PSIP1: variants seen among roughly 807,000 people sequenced by gnomAD.
PSIP1 encodes the protein PC4 and SRSF1 interacting protein 1.
In PSIP1, 19 loss-of-function variants were observed where a neutral mutation model predicts 74.7. The ratio of observed to expected loss-of-function variants is 0.25; its 90% CI spans 0.18 to 0.37. The LOEUF (loss-of-function observed/expected upper bound fraction) is 0.37. Ranked by LOEUF, PSIP1 falls within the 10% of genes least tolerant of loss-of-function variation. The probability of loss-of-function intolerance (pLI) is 1.00; values close to 1 mark genes in which losing one functional copy is unlikely to be tolerated. For missense variants in PSIP1, 601 were observed against 614.3 expected (o/e 0.98, Z 0.23); for synonymous variants, 222 against 195.3 (o/e 1.14, Z -1.14).
At chr9:15,481,232 G>A (rs1001573679) in intron 6 of PSIP1, among the ~76,000 whole-genome samples, 5 of 152,108 alleles carry the variant, frequency 3.3e-5, no homozygotes, top group South Asian at 2.1e-4. Context: ...AAGCTCCCCA[G>A]GTAACAAAGC....
intron 9 of PSIP1, among the ~76,000 whole-genome samples, chr9:15,473,321 ATC>A (rs1335624709): frequency 1.3e-5 from 2 of 152,198 alleles, no homozygotes; most frequent in African/African-American, 4.8e-5. Context: ...AATAACAAAA[ATC>A]TCTATATAAA....
intron 7 of PSIP1, 63 bp downstream of exon 7, chr9:15,479,528 A>G: frequency 2.3e-6 from 3 of 1,315,894 alleles, no homozygotes; most frequent in Non-Finnish European, 3.2e-6. Context: ...AGGCAGCAAC[A>G]CTTTAAATGG....
intron 3 of PSIP1, among the ~76,000 whole-genome samples, chr9:15,494,986 C>T (rs1022013188): frequency 1.3e-5 from 2 of 152,074 alleles, no homozygotes. Context: ...AATTCTCCCT[C>T]CTGAAAAACC....
At chr9:15,482,505 A>T (rs1411909752) in intron 6 of PSIP1, among the ~76,000 whole-genome samples, 1 of 152,186 alleles carries the variant, frequency 6.6e-6, no homozygotes, top group Non-Finnish European at 1.5e-5. Context: ...TTAATTTCCT[A>T]GTGTCCCAAG....
rs542935438 is a variant in PSIP1 at position 15,470,148 on chromosome 9, G to A, written c.978-155C>T. On this transcript the variant is annotated intron_variant, in intron 10 of 15. Coordinates refer to ENST00000380733, the MANE Select transcript of PSIP1 (RefSeq NM_033222.5). ...GTAGCTCTTAGAATGGTGCAGTTCC[G>A]TAGCATAAATATAAGCAAAACTCTA... Among the ~76,000 whole-genome samples, 198 of 152,196 alleles carry A rather than the reference G, an allele frequency of 1.3e-3. 1 individual carries two copies. Among genetic ancestry groups the A allele is most frequent in the African/African-American group, 4.6e-3 (193 of 41,532 alleles).
intron 3 of PSIP1, among the ~76,000 whole-genome samples, chr9:15,501,424 G>A (rs2175257): frequency 0.2 from 30,873 of 151,744 alleles, 4,774 homozygotes; most frequent in African/African-American, 0.44. Flanking sequence ...CACTGTTGCA[G>A]TGGGGAAAAT....
intron 6 of PSIP1, among the ~76,000 whole-genome samples, chr9:15,480,370 T>G (rs948442336): frequency 6.6e-6 from 1 of 152,188 alleles, no homozygotes; most frequent in Non-Finnish European, 1.5e-5. Context: ...CCCAACTATT[T>G]AGAATTCAGC....
At chr9:15,497,026 G>A (rs1170084098) in intron 3 of PSIP1, among the ~76,000 whole-genome samples, 1 of 152,116 alleles carries the variant, frequency 6.6e-6, no homozygotes, top group South Asian at 2.1e-4. Flanking sequence ...TTCTCAAAAC[G>A]TTAAACGTGA....
chr9:15,474,815 T>G (rs1331414618), intron 8 of PSIP1, among the ~76,000 whole-genome samples: 3 of 152,180 alleles, frequency 2.0e-5, no homozygotes, highest in African/African-American at 7.2e-5. Context: ...ACGTAATTAC[T>G]TTTATGGTTG....
intron 15 of PSIP1, among the ~76,000 whole-genome samples, chr9:15,466,373 T>C (rs1004680905): frequency 1.3e-5 from 2 of 150,916 alleles, no homozygotes; most frequent in African/African-American, 4.8e-5. Context: ...AGTGAAACTC[T>C]GTCTCAAAGA....
intron 3 of PSIP1, among the ~76,000 whole-genome samples, chr9:15,503,016 T>C (rs1011464964): frequency 2.0e-5 from 3 of 152,212 alleles, no homozygotes; most frequent in Non-Finnish European, 2.9e-5. Context: ...AATTTCCAAA[T>C]ATACCTTTCT....
chr9:15,464,276 G>C lies in PSIP1; in HGVS notation c.*1244C>G, dbSNP rs527597148. The C allele has an allele frequency of 5.1e-5, 10 of 194,656 alleles. No individual in the cohort carries two copies. Among genetic ancestry groups the C allele is most frequent in the African/African-American group, 2.1e-4 (9 of 43,362 alleles). The allele number at this position is 194,656 out of a possible 1,614,324, so 12.1% of individuals were successfully genotyped here. The stretch of plus-strand genomic sequence containing the variant: ...TCTGTAGATGAAAACAGTTATCTCA[G>C]AGGGTCAACCACACAATGTCATACA... On this transcript the variant is annotated 3_prime_UTR_variant, in exon 16 of 16. Transcript: ENST00000380733.
At position 15,465,561 on chromosome 9, in the gene PSIP1, C is replaced by A. The variant is rs779218966; in HGVS notation, c.1552G>T (p.Glu518Ter). 6.3e-7 allele frequency: 1 copy of A among 1,586,498 alleles called. No individual in the cohort carries two copies. Among genetic ancestry groups the A allele is most frequent in the Admixed American group, 1.7e-5 (1 of 58,536 alleles). ...GAATCCTTCAGAGATATTTCAGTCT[C>A]TCTCTCTTCACTGGATGGCCTGAAG... is the stretch of plus-strand genomic sequence containing the variant. ...TKKKPSSEER[E>*]TEISLKDSTL... Residue 518 changes from glutamate to a stop codon, truncating the protein, a stop_gained, in exon 16 of 16, where the codon GAG (glutamate) becomes TAG (stop). Coordinates refer to ENST00000380733, the MANE Select transcript of PSIP1 (RefSeq NM_033222.5). LOFTEE classifies it high-confidence loss of function.
At chr9:15,505,435 T>C (rs1185750495) in intron 3 of PSIP1, 2 of 152,208 alleles carry the variant, frequency 1.3e-5, no homozygotes, top group Admixed American at 6.5e-5. Context: ...AAAATTATAT[T>C]GTTATATATA....
In PSIP1 at chr9:15,474,207, C is replaced by G; in HGVS notation, c.660G>C (p.Lys220Asn). ...TTTTAGGTTGTTTTTCCTCTTGCCC[C>G]TTTTTCTTACTTTTGTCCTCTTCAG... ...IITEEDKSKKKGQEEKQPKKQ... is the reference protein window; with the variant it reads ...IITEEDKSKKNGQEEKQPKKQ... The change falls in exon 9 of 16, where the codon AAG becomes AAC. Residue 220 changes from lysine (K) to asparagine (N), a missense_variant. Transcript: ENST00000380733. 1 of 1,612,252 alleles carries G rather than the reference C, an allele frequency of 6.2e-7. No homozygotes were observed. Among genetic ancestry groups the G allele is most frequent in the Non-Finnish European group, 8.5e-7 (1 of 1,179,546 alleles).
At chr9:15,480,657 C>T (rs1283612663) in intron 6 of PSIP1, among the ~76,000 whole-genome samples, 2 of 152,226 alleles carry the variant, frequency 1.3e-5, no homozygotes, top group African/African-American at 4.8e-5. Flanking sequence ...CACAGTGGCT[C>T]ACGCCTGTAA....
intron 9 of PSIP1, 145 bp from the exon 10 acceptor site, chr9:15,472,895 T>A: frequency 2.8e-6 from 2 of 718,838 alleles, no homozygotes; most frequent in Non-Finnish European, 4.6e-6. Flanking sequence ...AGTCTTTGAA[T>A]TACACCTATC....
chr9:15,491,058 C>G (rs1193574673), intron 3 of PSIP1, among the ~76,000 whole-genome samples: 1 of 152,162 alleles, frequency 6.6e-6, no homozygotes, highest in East Asian at 1.9e-4. Flanking sequence ...ACAAGGTTTT[C>G]ATGAACCAAT....
At chr9:15,493,832 G>A (rs1249354999) in intron 3 of PSIP1, among the ~76,000 whole-genome samples, 3 of 152,162 alleles carry the variant, frequency 2.0e-5, no homozygotes, top group Non-Finnish European at 4.4e-5. Flanking sequence ...ACCTGGTCCT[G>A]CCCTTGATGT....
Sources: gnomAD v4.1 joint callset for allele counts (sites outside exome capture counted in the v4.1 genomes callset) on GRCh38, gnomAD v4.1.1 for gene constraint, MANE v1.5 for transcripts, NCBI Gene and HGNC (gene_info 2026-07-23, HGNC 2026-07-21) for gene names.